PAX3: variants seen among roughly 807,000 people sequenced by gnomAD.
The protein encoded by PAX3 is paired box protein Pax-3.
In PAX3, 14 loss-of-function variants were observed where a neutral mutation model predicts 51.6. The ratio of observed to expected loss-of-function variants is 0.27; its 90% CI spans 0.18 to 0.42. The LOEUF (loss-of-function observed/expected upper bound fraction) is 0.42, where lower values mean the gene tolerates loss of function less well. Among genes scored for constraint, PAX3 ranks in the 10% least tolerant of loss-of-function variants. PAX3 has a pLI of 1.00. For synonymous variants in PAX3, 280 were observed against 253.4 expected, an observed-to-expected ratio of 1.11 and a Z score of -1.00; for missense variants, 540 against 642.8, an observed-to-expected ratio of 0.84 and a Z score of 1.73.
rs951983173 is a variant in PAX3, at chr2:222,200,300, A to G, written c.*1108T>C. On this transcript the variant is annotated 3_prime_UTR_variant, in exon 9 of 9. Coordinates refer to ENST00000392070, the MANE Select transcript of PAX3 (RefSeq NM_181458.4). ...ATATCATTGTATAATTTAAAAGTACATGAGAGCCATGTGAACACTTCTGTT... is the reference window on the plus strand; with the variant it reads ...ATATCATTGTATAATTTAAAAGTACGTGAGAGCCATGTGAACACTTCTGTT... The G allele has an allele frequency of 9.1e-6, 2 of 218,900 alleles. No homozygotes were observed. Among genetic ancestry groups the G allele is most frequent in the African/African-American group, 4.5e-5 (2 of 44,560 alleles). 13.6% of individuals were successfully genotyped at this position (218,900 alleles called of 1,614,324 possible). A position where few individuals can be genotyped will look rare whatever the true frequency, so the allele number is the denominator to read the frequency against.
intron 4 of PAX3, among the ~76,000 whole-genome samples, chr2:222,273,221 T>C (rs1250859014): frequency 6.6e-6 from 1 of 152,234 alleles, no homozygotes; most frequent in Non-Finnish European, 1.5e-5. Flanking sequence ...TCAACCAGCA[T>C]GTTCCTTACA....
chr2:222,203,658 C>G (rs922919981), intron 7 of PAX3, among the ~76,000 whole-genome samples: 11 of 152,014 alleles, frequency 7.2e-5, no homozygotes, highest in African/African-American at 2.7e-4. Flanking sequence ...GGGGGCGGGT[C>G]TAGTTTTGCT....
intron 4 of PAX3, among the ~76,000 whole-genome samples, chr2:222,239,742 G>A (rs1273648705): frequency 2.6e-5 from 4 of 151,752 alleles, no homozygotes; most frequent in Non-Finnish European, 4.4e-5. Flanking sequence ...GTGAGGGGTA[G>A]GTAAAGGGGT....
intron 7 of PAX3, among the ~76,000 whole-genome samples, chr2:222,217,745 G>C (rs1303687528): frequency 6.6e-6 from 1 of 152,092 alleles, no homozygotes; most frequent in African/African-American, 2.4e-5. Flanking sequence ...AAGTAAACCA[G>C]GGTGTTAGAC....
rs1407284128 is a variant in PAX3, at chr2:222,201,986, T to C, written c.1378A>G (p.Met460Val). Residue 460 changes from methionine to valine, a missense_variant, in exon 8 of 9, where the codon ATG (methionine) becomes GTG (valine). By Grantham distance (21) the Met-to-Val change is conservative. Around this residue, in one of 3 missense-constraint regions of PAX3, gnomAD observed 427 missense variants for 483.6 expected, o/e 0.88. Transcript: ENST00000392070. Reference protein sequence around the residue: ...PPTYSTTGYSMDPVTGYQYGQ... With the variant: ...PPTYSTTGYSVDPVTGYQYGQ... Reference sequence around the variant, plus strand: ...TATTGGTAGCCTGTGACAGGGTCCATACTGTAGCCTGTGGTGCTATAGGTG... The same window carrying C: ...TATTGGTAGCCTGTGACAGGGTCCACACTGTAGCCTGTGGTGCTATAGGTG... 1.2e-6 allele frequency: 2 copies of C among 1,614,078 alleles called. No homozygotes were observed. The highest frequency in any genetic ancestry group is 3.3e-5 in the Admixed American group (2 of 60,012).
At chr2:222,261,561 G>A (rs1693861142) in intron 4 of PAX3, among the ~76,000 whole-genome samples, 1 of 150,996 alleles carries the variant, frequency 6.6e-6, no homozygotes, top group South Asian at 2.1e-4. Flanking sequence ...GCAGAACAGA[G>A]GGTGGGTTTC....
chr2:222,245,964 G>C (rs1693214959), intron 4 of PAX3, among the ~76,000 whole-genome samples: 1 of 151,636 alleles, frequency 6.6e-6, no homozygotes, highest in Non-Finnish European at 1.5e-5. Flanking sequence ...CTGGGTGACA[G>C]AGCGAGACTC....
At chr2:222,293,554 C>G (rs1695125009) in intron 4 of PAX3, 11 of 1,437,612 alleles carry the variant, frequency 7.7e-6, no homozygotes, top group East Asian at 2.3e-5. Context: ...TAACCCAGAG[C>G]TTGGGTTCCT....
At chr2:222,294,603 C>T (rs1220240812) in intron 3 of PAX3, among the ~76,000 whole-genome samples, 1 of 151,998 alleles carries the variant, frequency 6.6e-6, no homozygotes, top group African/African-American at 2.4e-5. Context: ...GGGCAGGAAG[C>T]ATTTCCCTTC....
At chr2:222,272,099 G>A (rs1694273330) in intron 4 of PAX3, among the ~76,000 whole-genome samples, 1 of 152,148 alleles carries the variant, frequency 6.6e-6, no homozygotes, top group Admixed American at 6.5e-5. Flanking sequence ...GGGATCTGAT[G>A]AATGTTTAGT....
intron 4 of PAX3, among the ~76,000 whole-genome samples, chr2:222,279,210 T>A (rs1181425763): frequency 1.3e-5 from 2 of 152,156 alleles, no homozygotes; most frequent in Non-Finnish European, 2.9e-5. Flanking sequence ...CGCCTGGGCC[T>A]CCCAAAGTGC....
chr2:222,295,606 T>C lies in PAX3; in HGVS notation c.373A>G (p.Asn125Asp). 6.2e-7 allele frequency: 1 copy of C among 1,614,192 alleles called. No individual in the cohort carries two copies. The highest frequency in any genetic ancestry group is 8.5e-7 in the Non-Finnish European group (1 of 1,180,026). ...ATTTCCCAGCTGAACATGCCCGGGT[T>C]CTCTCTTTTGTATTCCTCAATTTTC... ...EKKIEEYKRE[N>D]PGMFSWEIRD... is the part of the protein sequence containing the mutation. Residue 125 changes from asparagine to aspartate, a missense_variant, in exon 3 of 9, where the codon AAC becomes GAC. Around this residue, in one of 3 missense-constraint regions of PAX3, gnomAD observed 427 missense variants for 483.6 expected, o/e 0.88. Transcript: ENST00000392070.
chr2:222,288,021 G>T (rs1161977438), intron 4 of PAX3, among the ~76,000 whole-genome samples: 1 of 152,174 alleles, frequency 6.6e-6, no homozygotes, highest in Non-Finnish European at 1.5e-5. Context: ...AGTGCTATTT[G>T]TTGGAATTTG....
At chr2:222,280,853 C>G (rs2106174667) in intron 4 of PAX3, among the ~76,000 whole-genome samples, 1 of 152,328 alleles carries the variant, frequency 6.6e-6, no homozygotes, top group South Asian at 2.1e-4. Flanking sequence ...TCCTCTAACC[C>G]CTGCACTCTT....
At position 222,295,714 on chromosome 2, in the gene PAX3, C is replaced by T. The variant is rs1456620410; in HGVS notation, c.322-57G>A. 1.7e-5 allele frequency: 28 copies of T among 1,601,434 alleles called. No homozygotes were observed. The East Asian group carries it at 5.1e-4, about 29-fold the overall frequency. The stretch of plus-strand genomic sequence containing the variant: ...CCCGGTACCCTGGGCCAGGTGGCGG[C>T]GGCCCCACCGCCTCTGGGCCTGTCG... On this transcript the variant is annotated intron_variant, in intron 2 of 8. Coordinates refer to ENST00000392070, the MANE Select transcript of PAX3 (RefSeq NM_181458.4).
Position 222,287,843 on chromosome 2 carries a change from C to T in PAX3, c.586+6324G>A, listed in dbSNP as rs550161588. On this transcript the variant is annotated intron_variant, in intron 4 of 8. Coordinates refer to ENST00000392070, the MANE Select transcript of PAX3 (RefSeq NM_181458.4). ...TCTGTATGTCAAGATTCATCTTGCT[C>T]AAGAGTGAACAAGAGTAAAAAATAA... Among the ~76,000 whole-genome samples, 10 of 152,228 alleles carry T rather than the reference C, an allele frequency of 6.6e-5. No individual in the cohort carries two copies. In the East Asian group the frequency reaches 1.7e-3, roughly 26 times the overall value.
chr2:222,225,061 G>A (rs544210413), intron 5 of PAX3, among the ~76,000 whole-genome samples: 6 of 152,220 alleles, frequency 3.9e-5, no homozygotes, highest in East Asian at 3.9e-4. Context: ...CTGGCCTTCC[G>A]CATCACACTT....
At chr2:222,257,876 G>A (rs1287087005) in intron 4 of PAX3, among the ~76,000 whole-genome samples, 1 of 152,152 alleles carries the variant, frequency 6.6e-6, no homozygotes, top group Non-Finnish European at 1.5e-5. Flanking sequence ...CCCGGCTCAG[G>A]GAGTTCCCAC....
chr2:222,296,913 C>T (rs1173372293), intron 2 of PAX3, 65 bp downstream of exon 2: 3 of 1,356,380 alleles, frequency 2.2e-6, no homozygotes, highest in Admixed American at 1.9e-5. Context: ...TTACCCCCCG[C>T]CCGGTCTTCC....
Sources: gnomAD v4.1 joint callset for allele counts (sites outside exome capture counted in the v4.1 genomes callset) on GRCh38, gnomAD v4.1.1 for gene constraint, gnomAD v4.1.1 regional missense constraint, MANE v1.5 for transcripts, NCBI Gene and HGNC (gene_info 2026-07-23, HGNC 2026-07-21) for gene names.